The following SRFBP1 variants were observed in gnomAD, a reference collection of about 807,000 sequenced individuals.
SRFBP1 encodes the protein serum response factor-binding protein 1.
In SRFBP1, 47 loss-of-function variants were observed where a neutral mutation model predicts 45.5. The observed-to-expected ratio is 1.03, with a 90% CI of 0.82 to 1.32. The LOEUF (loss-of-function observed/expected upper bound fraction) is 1.32. SRFBP1 is among the 40% of genes most tolerant of loss of function. The probability of loss-of-function intolerance (pLI) is 0.00; values close to 1 mark genes in which losing one functional copy is unlikely to be tolerated. For missense variants in SRFBP1, 621 were observed against 484.6 expected (o/e 1.28, Z -2.64); for synonymous variants, 203 against 166.3 (o/e 1.22, Z -1.70).
intron 1 of SRFBP1, among the ~76,000 whole-genome samples, chr5:121,972,714 T>G: frequency 6.6e-6 from 1 of 151,772 alleles, no homozygotes; most frequent in Non-Finnish European, 1.5e-5. Flanking sequence ...AAGATGGTTG[T>G]GGTGGGTGGA....
intron 2 of SRFBP1, among the ~76,000 whole-genome samples, chr5:122,042,108 G>C (rs1444219671): frequency 6.6e-6 from 1 of 151,886 alleles, no homozygotes; most frequent in East Asian, 1.9e-4. Context: ...AAGAACATTT[G>C]TGCCTAGTGC....
At chr5:122,012,863 G>C (rs1246095275) in intron 4 of SRFBP1, among the ~76,000 whole-genome samples, 1 of 152,006 alleles carries the variant, frequency 6.6e-6, no homozygotes, top group African/African-American at 2.4e-5. Flanking sequence ...GGAAGTAATT[G>C]GTAATATCCT....
chr5:122,049,955 G>C (rs1034739117), intron 2 of SRFBP1, among the ~76,000 whole-genome samples: 4 of 151,932 alleles, frequency 2.6e-5, no homozygotes, highest in Non-Finnish European at 5.9e-5. Context: ...TAACATGAAG[G>C]AGTGTTGAAT....
rs748715328 is a variant in SRFBP1, at chr5:122,020,788, T to C, written c.1053T>C (p.Ser351=). Residue 351 remains serine, a synonymous_variant, in exon 6 of 8, where the codon TCT becomes TCC. Transcript: ENST00000339397. ...TGTTTTTCCACTCTTTATCTGGATC[T>C]AAAAGCTCTAGAAGGTAAGATTCTT... ...ESVFFHSLSG[S]KSSRRNFKEQ... 1 of 1,565,960 alleles carries C rather than the reference T, an allele frequency of 6.4e-7. No homozygotes were observed. Among genetic ancestry groups the C allele is most frequent in the Admixed American group, 2.1e-5 (1 of 48,144 alleles).
chr5:121,998,871 T>C (rs1051008489), intron 4 of SRFBP1, among the ~76,000 whole-genome samples: 10 of 152,196 alleles, frequency 6.6e-5, no homozygotes, highest in African/African-American at 2.4e-4. Context: ...CATCTTCCAC[T>C]CTTTGGATTT....
At chr5:122,016,614 T>G (rs1164151692) in intron 4 of SRFBP1, among the ~76,000 whole-genome samples, 2 of 152,196 alleles carry the variant, frequency 1.3e-5, no homozygotes, top group African/African-American at 4.8e-5. Context: ...CATTGGAGTT[T>G]CTATATTCTA....
intron 2 of SRFBP1, chr5:122,070,367 A>AT: frequency 1.5e-6 from 1 of 648,084 alleles, no homozygotes; most frequent in Non-Finnish European, 2.7e-6. Context: ...ATTAGATTAG[A>AT]TTGTTTATAA....
downstream of SRFBP1, among the ~76,000 whole-genome samples, chr5:122,029,313 C>T (rs900735925): frequency 6.6e-6 from 1 of 152,158 alleles, no homozygotes; most frequent in Non-Finnish European, 1.5e-5. Context: ...GGAACTCTAC[C>T]TGATACTGTG....
At chr5:122,015,222 A>G (rs1753173003) in intron 4 of SRFBP1, among the ~76,000 whole-genome samples, 1 of 152,192 alleles carries the variant, frequency 6.6e-6, no homozygotes, top group African/African-American at 2.4e-5. Context: ...AATCCTGAGG[A>G]TTAAAATATA....
chr5:122,026,887 C>T, intron 7 of SRFBP1, 55 bp from the exon 8 acceptor site: 1 of 1,110,198 alleles, frequency 9.0e-7, no homozygotes, highest in Non-Finnish European at 1.2e-6. Context: ...AAATTTACTT[C>T]TCCTATATGC....
In SRFBP1 at chr5:122,027,357, T is replaced by A. The variant is rs151058304; in HGVS notation, c.*231T>A. ...CACCCCAGGCTCTGCAGCTATTACT[T>A]AAACTCGTATTTGAATAAGTCTCTT... is the stretch of plus-strand genomic sequence containing the variant. On this transcript the variant is annotated 3_prime_UTR_variant, in exon 8 of 8. Coordinates refer to ENST00000339397, the MANE Select transcript of SRFBP1 (RefSeq NM_152546.3). The A allele has an allele frequency of 1.4e-3, 408 of 301,202 alleles. 2 individuals are homozygous for A. Among genetic ancestry groups the A allele is most frequent in the African/African-American group, 8.2e-3 (379 of 46,466 alleles). 18.7% of individuals were successfully genotyped at this position (301,202 alleles called of 1,614,324 possible). A position where few individuals can be genotyped will look rare whatever the true frequency, so the allele number is the denominator to read the frequency against.
chr5:122,000,030 G>C lies in SRFBP1; in HGVS notation c.270+5360G>C, dbSNP rs55746733. Among the ~76,000 whole-genome samples, 1,161 of 151,388 alleles carry C rather than the reference G, an allele frequency of 7.7e-3. 15 individuals carry two copies. The highest frequency in any genetic ancestry group is 0.027 in the African/African-American group (1,114 of 41,266). On this transcript the variant is annotated intron_variant, in intron 4 of 7. Transcript: ENST00000339397. The stretch of plus-strand genomic sequence containing the variant: ...TTTTGCTTTGTTTTTCTTCTTTTTT[G>C]GTCTGTGAGTTAAATGAGCATCTTA...
At chr5:121,964,817 A>G (rs1273333538) in intron 1 of SRFBP1, among the ~76,000 whole-genome samples, 1 of 152,166 alleles carries the variant, frequency 6.6e-6, no homozygotes, top group East Asian at 1.9e-4. Context: ...CAACAGTGTA[A>G]AAGCATTCCT....
At chr5:122,002,430 T>G (rs1752889283) in intron 4 of SRFBP1, among the ~76,000 whole-genome samples, 1 of 152,248 alleles carries the variant, frequency 6.6e-6, no homozygotes, top group East Asian at 1.9e-4. Flanking sequence ...GCTTACTCTT[T>G]TTGAATTTTT....
intron 4 of SRFBP1, among the ~76,000 whole-genome samples, chr5:122,017,710 CAG>C (rs1753218685): frequency 6.6e-6 from 1 of 152,178 alleles, no homozygotes; most frequent in Non-Finnish European, 1.5e-5. Context: ...ATCCTACAAA[CAG>C]AATAGCTTGC....
intron 4 of SRFBP1, among the ~76,000 whole-genome samples, chr5:122,008,188 C>A (rs553015184): frequency 6.6e-6 from 1 of 152,094 alleles, no homozygotes; most frequent in South Asian, 2.1e-4. Context: ...TGGCCCGAAG[C>A]CTGGGGCCAT....
chr5:122,044,643 A>G (rs528761474), intron 2 of SRFBP1, among the ~76,000 whole-genome samples: 7 of 152,088 alleles, frequency 4.6e-5, no homozygotes, highest in Middle Eastern at 3.4e-3. Flanking sequence ...TGTTGGCTGC[A>G]TGTATGTCTT....
chr5:122,070,605 T>C, intron 2 of SRFBP1: 1 of 1,386,114 alleles, frequency 7.2e-7, no homozygotes, highest in Non-Finnish European at 1.0e-6. Context: ...ATAAACAAAA[T>C]AAAAAATTTA....
intron 3 of SRFBP1, among the ~76,000 whole-genome samples, chr5:121,989,075 G>T (rs1752573812): frequency 6.6e-6 from 1 of 151,944 alleles, no homozygotes; most frequent in African/African-American, 2.4e-5. Context: ...TTGTTTGTTT[G>T]TTTGTTTGAG....
Sources: allele counts gnomAD v4.1 joint callset (sites outside exome capture counted in the v4.1 genomes callset), GRCh38; gene constraint gnomAD v4.1.1; transcripts MANE v1.5; gene names NCBI Gene and HGNC (gene_info 2026-07-23, HGNC 2026-07-21).